CMKLR1: variants seen among roughly 807,000 people sequenced by gnomAD.
CMKLR1 encodes the protein chemerin-like receptor 1.
Under a neutral mutation model 8.2 loss-of-function variants are expected in CMKLR1, and 6 were observed. The ratio of observed to expected loss-of-function variants is 0.73; its 90% CI spans 0.40 to 1.44. The LOEUF (loss-of-function observed/expected upper bound fraction) is 1.44, where lower values mean the gene tolerates loss of function less well. CMKLR1 is among the 40% of genes most tolerant of loss of function. CMKLR1 has a pLI of 0.02. For synonymous variants in CMKLR1, 178 were observed against 181.2 expected (o/e 0.98, Z 0.14); for missense variants, 429 against 478.0 (o/e 0.90, Z 0.96).
At chr12:108,308,098 T>C (rs1891454202) in intron 2 of CMKLR1, among the ~76,000 whole-genome samples, 1 of 152,202 alleles carries the variant, frequency 6.6e-6, no homozygotes, top group African/African-American at 2.4e-5. Context: ...TTCCATGGAA[T>C]CCTGTCACAT....
rs1381496064 is a variant in CMKLR1 at position 108,303,139 on chromosome 12, C to T, written c.-73-9475G>A. Among the ~76,000 whole-genome samples the T allele has an allele frequency of 2.0e-5, 3 of 152,216 alleles. 1 individual carries two copies. Among genetic ancestry groups the T allele is most frequent in the African/African-American group, 2.4e-5 (1 of 41,470 alleles). On this transcript the variant is annotated intron_variant, in intron 2 of 3. Transcript: ENST00000550402. Reference sequence around the variant, plus strand: ...AGCCCTCAGAGCTCCACCCGTTTTCCCCGTTAGGCGGGAATGAACTTGGAC... The same window carrying T: ...AGCCCTCAGAGCTCCACCCGTTTTCTCCGTTAGGCGGGAATGAACTTGGAC...
At chr12:108,307,176 T>C (rs553588370) in intron 2 of CMKLR1, among the ~76,000 whole-genome samples, 1 of 152,176 alleles carries the variant, frequency 6.6e-6, no homozygotes, top group Admixed American at 6.5e-5. Context: ...ATGAACACAT[T>C]GTAGCCAAAG....
intron 2 of CMKLR1, among the ~76,000 whole-genome samples, chr12:108,305,566 G>T (rs1274550335): frequency 1.3e-5 from 2 of 152,140 alleles, no homozygotes; most frequent in Non-Finnish European, 1.5e-5. Context: ...GAGAGAAGGG[G>T]CCTCTCATCT....
At chr12:108,322,162 C>G (rs190760364) in intron 2 of CMKLR1, among the ~76,000 whole-genome samples, 2 of 152,298 alleles carry the variant, frequency 1.3e-5, no homozygotes, top group African/African-American at 2.4e-5. Flanking sequence ...GAAGTGGTAA[C>G]AGTCTGAGGG....
At chr12:108,319,290 C>T (rs2137328778) in intron 2 of CMKLR1, among the ~76,000 whole-genome samples, 1 of 152,318 alleles carries the variant, frequency 6.6e-6, no homozygotes, top group South Asian at 2.1e-4. Context: ...CCCAGCCTCC[C>T]AACAACATTG....
At chr12:108,310,963 C>G (rs879499691) in intron 2 of CMKLR1, among the ~76,000 whole-genome samples, 4 of 145,586 alleles carry the variant, frequency 2.7e-5, no homozygotes, top group African/African-American at 1.0e-4. Flanking sequence ...CCCCACCCCC[C>G]GCCCAGGAGA....
rs772375747 is a variant in CMKLR1, at chr12:108,292,951, C to T, written c.12G>A (p.Glu4=). 3.4e-5 allele frequency: 55 copies of T among 1,605,566 alleles called. No individual in the cohort carries two copies. Among genetic ancestry groups the T allele is most frequent in the South Asian group, 4.4e-5 (4 of 89,908 alleles). The change falls in exon 4 of 4, where the codon GAG becomes GAA. Residue 4 remains glutamate (E), a synonymous_variant. Coordinates refer to ENST00000550402, the MANE Select transcript of CMKLR1 (RefSeq NM_001142343.2). ...TGATGGAAGTGTTGTAATCTTCATC[C>T]TCCATTCTCTGCAAGAGAAGACAGG... is the stretch of plus-strand genomic sequence containing the variant. MRM[E]DEDYNTSISY... is the part of the protein sequence containing the mutation.
chr12:108,303,053 A>G (rs969831888), intron 2 of CMKLR1, among the ~76,000 whole-genome samples: 3 of 152,106 alleles, frequency 2.0e-5, no homozygotes, highest in Admixed American at 1.3e-4. Context: ...TGCCCAGCTC[A>G]GAGTCTTGGT....
rs1382018776 is a variant in CMKLR1 at position 108,292,683 on chromosome 12, T to C, written c.280A>G (p.Ile94Val). ...ADFLFNVFLP[I>V]HITYAAMDYH... ...TCCATGGCGGCATAGGTGATATGGA[T>C]TGGGAGGAAGACGTTGAACAGGAAA... is the stretch of plus-strand genomic sequence containing the variant. The change falls in exon 4 of 4, where the codon ATC (isoleucine) becomes GTC (valine). Residue 94 changes from isoleucine to valine, a missense_variant. Coordinates refer to ENST00000550402, the MANE Select transcript of CMKLR1 (RefSeq NM_001142343.2). 2.5e-6 allele frequency: 4 copies of C among 1,613,918 alleles called. No homozygotes were observed. Among genetic ancestry groups the C allele is most frequent in the South Asian group, 1.1e-5 (1 of 91,058 alleles).
At chr12:108,296,358 G>A (rs1272763107) in intron 2 of CMKLR1, among the ~76,000 whole-genome samples, 3 of 152,218 alleles carry the variant, frequency 2.0e-5, no homozygotes, top group Non-Finnish European at 4.4e-5. Context: ...GTCCCCTTAT[G>A]GGGTAAGCAC....
intron 2 of CMKLR1, among the ~76,000 whole-genome samples, chr12:108,303,370 G>A (rs954223464): frequency 1.3e-5 from 2 of 152,230 alleles, no homozygotes; most frequent in Non-Finnish European, 2.9e-5. Context: ...CTCCTGCCAT[G>A]CAGAACAAAA....
chr12:108,336,486 C>A (rs893202609), intron 1 of CMKLR1, among the ~76,000 whole-genome samples: 1 of 151,634 alleles, frequency 6.6e-6, no homozygotes, highest in African/African-American at 2.4e-5. Context: ...GCAGAGCTTG[C>A]AGTGAGCCAA....
intron 2 of CMKLR1, among the ~76,000 whole-genome samples, chr12:108,314,930 C>T (rs1391576155): frequency 7.1e-6 from 1 of 140,228 alleles, no homozygotes; most frequent in East Asian, 2.1e-4. Context: ...TCGAACACAG[C>T]CTTGTTTTTT....
intron 2 of CMKLR1, among the ~76,000 whole-genome samples, chr12:108,312,718 G>C (rs1203201737): frequency 1.3e-5 from 2 of 152,294 alleles, no homozygotes; most frequent in East Asian, 3.9e-4. Flanking sequence ...CTTCAGTGAC[G>C]GTCACTGTCC....
chr12:108,305,120 G>A (rs1338313548), intron 2 of CMKLR1, among the ~76,000 whole-genome samples: 2 of 152,200 alleles, frequency 1.3e-5, no homozygotes, highest in African/African-American at 4.8e-5. Context: ...GGGAAACTAA[G>A]GCCCAGAGAG....
At chr12:108,312,219 G>C (rs537459217) in intron 2 of CMKLR1, among the ~76,000 whole-genome samples, 3 of 152,332 alleles carry the variant, frequency 2.0e-5, no homozygotes, top group African/African-American at 7.2e-5. Flanking sequence ...AGGATCGCCA[G>C]CCAGTGCCCA....
At chr12:108,319,147 T>C (rs1891799475) in intron 2 of CMKLR1, among the ~76,000 whole-genome samples, 1 of 152,200 alleles carries the variant, frequency 6.6e-6, no homozygotes, top group African/African-American at 2.4e-5. Flanking sequence ...ACCCTGGCCA[T>C]GACGTCTCTG....
chr12:108,332,517 G>A (rs1417063097), intron 1 of CMKLR1, among the ~76,000 whole-genome samples: 2 of 152,162 alleles, frequency 1.3e-5, no homozygotes. Context: ...CCTTACTCCG[G>A]TGGGCACAAT....
chr12:108,307,698 G>C (rs1028160026), intron 2 of CMKLR1, among the ~76,000 whole-genome samples: 1 of 152,210 alleles, frequency 6.6e-6, no homozygotes, highest in Non-Finnish European at 1.5e-5. Context: ...TCCTCTGCAA[G>C]AGGCTCTGCA....
Sources: gnomAD v4.1 joint callset for allele counts (sites outside exome capture counted in the v4.1 genomes callset) on GRCh38, gnomAD v4.1.1 for gene constraint, MANE v1.5 for transcripts, NCBI Gene and HGNC (gene_info 2026-07-23, HGNC 2026-07-21) for gene names.